The following ADH1C variants were observed in gnomAD, a reference collection of about 807,000 sequenced individuals.
ADH1C encodes alcohol dehydrogenase 1C.
A neutral mutation model predicts 35.0 loss-of-function variants in ADH1C; 26 were observed. That is an observed-to-expected ratio of 0.74 (90% CI 0.54 to 1.03). The LOEUF (loss-of-function observed/expected upper bound fraction) is 1.03. ADH1C is among the 50% of genes least tolerant of loss of function. The pLI is 0.00. For missense variants in ADH1C, 413 were observed against 465.4 expected, an observed-to-expected ratio of 0.89 and a Z score of 1.04; for synonymous variants, 170 against 169.3, an observed-to-expected ratio of 1.00 and a Z score of -0.03.
intron 8 of ADH1C, 25 bp from the exon 9 acceptor site, chr4:99,336,801 G>A: frequency 1.9e-6 from 3 of 1,613,530 alleles, no homozygotes; most frequent in Non-Finnish European, 2.5e-6. Context: ...AAGAGACATT[G>A]TGTTAACATT....
At chr4:99,338,396 TATATATATATATATATATATATATA>T (rs1734329520) in intron 8 of ADH1C, among the ~76,000 whole-genome samples, 2 of 7,424 alleles carry the variant, frequency 2.7e-4, no homozygotes, top group Admixed American at 1.7e-3. Flanking sequence ...TACTGTTTTC[TATATATATATATATATATATATATA>T]TATATATATA....
In ADH1C at chr4:99,343,052, T is replaced by A. The variant is rs200810515; in HGVS notation, c.571A>T (p.Thr191Ser). The A allele has an allele frequency of 7.5e-5, 121 of 1,606,644 alleles. No homozygotes were observed. In the African/African-American group the frequency reaches 1.3e-3, roughly 17 times the overall value. ...AACACAGCACAGGTAGACCCTGGGG[T>A]GACCTATGTTTTCAGAAAATGCAAA... is the stretch of plus-strand genomic sequence containing the variant. ...YGSAVKVAKV[T>S]PGSTCAVFGL... The change falls in exon 6 of 9, where the codon ACC (threonine) becomes TCC (serine). Residue 191 changes from threonine (T) to serine (S), a missense_variant. Coordinates refer to ENST00000515683, the MANE Select transcript of ADH1C (RefSeq NM_000669.5).
Position 99,339,695 on chromosome 4 carries a change from C to A in ADH1C, c.985G>T (p.Val329Phe), listed in dbSNP as rs746619940. ...IFGGFKSKES[V>F]PKLVADFMAK... ...ATAAAGTCAGCCACAAGTTTGGGGACAGATTCTTTACTCTTAAAGCCTGAA... is the reference window on the plus strand; with the variant it reads ...ATAAAGTCAGCCACAAGTTTGGGGAAAGATTCTTTACTCTTAAAGCCTGAA... Residue 329 changes from valine to phenylalanine, a missense_variant, in exon 8 of 9, where the codon GTC (valine) becomes TTC (phenylalanine). Physicochemically the swap from Val to Phe is conservative, Grantham distance 50. Coordinates refer to ENST00000515683, the MANE Select transcript of ADH1C (RefSeq NM_000669.5). 6.2e-7 allele frequency: 1 copy of A among 1,611,598 alleles called. No homozygotes were observed. Among genetic ancestry groups the A allele is most frequent in the South Asian group, 1.1e-5 (1 of 90,450 alleles).
Position 99,340,611 on chromosome 4 carries a change from G to A in ADH1C, c.928C>T (p.Leu310=), listed in dbSNP as rs189474091. The part of the protein sequence containing the change: ...QNLSINPMLL[L]TGRTWKGAIF... ...GCTCCTTTCCACGTGCGTCCAGTCA[G>A]TAGCAGCATAGGGTTTATTGAGAGG... The change falls in exon 7 of 9, where the codon CTG becomes TTG. Residue 310 remains leucine (L), a synonymous_variant. Transcript: ENST00000515683. 3.9e-4 allele frequency: 629 copies of A among 1,614,106 alleles called. 6 individuals carry two copies. In the African/African-American group the frequency reaches 7.5e-3, roughly 19 times the overall value.
chr4:99,343,184 A>T, intron 5 of ADH1C, 129 bp from the exon 6 acceptor site: 1 of 1,363,594 alleles, frequency 7.3e-7, no homozygotes. Context: ...TGTTATCGAA[A>T]CCTGTTTTGG....
Position 99,336,779 on chromosome 4 carries a change from G to T in ADH1C, c.1104-3C>A. ...AAAACGTCAGGACGGTACGGATACT[G>T]CAATAGGAAAGAAGAGACATTGTGT... On this transcript the variant is annotated splice_polypyrimidine_tract_variant and splice_region_variant and intron_variant, in intron 8 of 8. Coordinates refer to ENST00000515683, the MANE Select transcript of ADH1C (RefSeq NM_000669.5). The T allele has an allele frequency of 6.2e-7, 1 of 1,613,666 alleles. No homozygotes were observed. The highest frequency in any genetic ancestry group is 8.5e-7 in the Non-Finnish European group (1 of 1,179,702).
chr4:99,342,815 T>C lies in ADH1C; in HGVS notation c.808A>G (p.Ile270Val). 6.2e-7 allele frequency: 1 copy of C among 1,614,024 alleles called. No homozygotes were observed. Among genetic ancestry groups the C allele is most frequent in the South Asian group, 1.1e-5 (1 of 91,084 alleles). The part of the protein sequence containing the change: ...DGGVDFSFEV[I>V]GRLDTMMASL... ...CATACCATGGTGTCAAGCCGACCGATGACTTCAAACGAAAAATCCACACCT... is the reference window on the plus strand; with the variant it reads ...CATACCATGGTGTCAAGCCGACCGACGACTTCAAACGAAAAATCCACACCT... The change falls in exon 6 of 9, where the codon ATC (isoleucine) becomes GTC (valine). Residue 270 changes from isoleucine to valine, a missense_variant. Transcript: ENST00000515683.
chr4:99,336,519 G>C lies in ADH1C; in HGVS notation c.*233C>G, dbSNP rs1402653610. The C allele has an allele frequency of 1.7e-6, 1 of 581,576 alleles. No homozygotes were observed. The highest frequency in any genetic ancestry group is 3.0e-6 in the Non-Finnish European group (1 of 331,188). 36.0% of individuals were successfully genotyped at this position (581,576 alleles called of 1,614,324 possible). A position where few individuals can be genotyped will look rare whatever the true frequency, so the allele number is the denominator to read the frequency against. On this transcript the variant is annotated 3_prime_UTR_variant, in exon 9 of 9. Transcript: ENST00000515683. Reference sequence around the variant, plus strand: ...GAATGGTTAAGAAGGAAGGTTTATTGGCTTCAATTCCCCAGTTGATGTTCA... The same window carrying C: ...GAATGGTTAAGAAGGAAGGTTTATTCGCTTCAATTCCCCAGTTGATGTTCA...
Position 99,338,395 on chromosome 4 carries a change from C to CTATATATATA in ADH1C, c.1103+1172_1103+1181dup, listed in dbSNP as rs35124782. ...ATTAACCTTTGATGAATACTGTTTT[C>CTATATATATA]TATATATATATATATATATATATAT... On this transcript the variant is annotated intron_variant, in intron 8 of 8. Coordinates refer to ENST00000515683, the MANE Select transcript of ADH1C (RefSeq NM_000669.5). Among the ~76,000 whole-genome samples the CTATATATATA allele has an allele frequency of 2.6e-3, 102 of 38,896 alleles. 4 individuals carry two copies. Among genetic ancestry groups the CTATATATATA allele is most frequent in the Admixed American group, 5.3e-3 (12 of 2,278 alleles). 25.5% of individuals were successfully genotyped at this position (38,896 alleles called of 152,430 possible).
Position 99,342,790 on chromosome 4 carries a change from C to G in ADH1C, c.828+5G>C. 1 of 1,613,998 alleles carries G rather than the reference C, an allele frequency of 6.2e-7. No individual in the cohort carries two copies. The highest frequency in any genetic ancestry group is 8.5e-7 in the Non-Finnish European group (1 of 1,179,860). On this transcript the variant is annotated splice_donor_5th_base_variant and intron_variant, in intron 6 of 8. Coordinates refer to ENST00000515683, the MANE Select transcript of ADH1C (RefSeq NM_000669.5). ...AGAAATTTCAGGGCATGTCACGGAT[C>G]ATACCATGGTGTCAAGCCGACCGAT...
chr4:99,347,703 C>A (rs1303397806), intron 2 of ADH1C, 42 bp downstream of exon 2: 9 of 1,543,356 alleles, frequency 5.8e-6, no homozygotes, highest in African/African-American at 1.4e-5. Context: ...TTTCTGAATT[C>A]TTTAAACTTA....
At chr4:99,344,546 T>C (rs1293567306) in intron 5 of ADH1C, among the ~76,000 whole-genome samples, 1 of 152,194 alleles carries the variant, frequency 6.6e-6, no homozygotes, top group Non-Finnish European at 1.5e-5. Context: ...GAGGTATGTA[T>C]AGGTGCTCTC....
intron 3 of ADH1C, among the ~76,000 whole-genome samples, chr4:99,345,542 G>A (rs1469846066): frequency 6.6e-6 from 1 of 152,220 alleles, no homozygotes; most frequent in Non-Finnish European, 1.5e-5. Flanking sequence ...ATTTTACGCA[G>A]TGCACTAATT....
chr4:99,342,235 A>G (rs1734432857), intron 6 of ADH1C, among the ~76,000 whole-genome samples: 1 of 152,108 alleles, frequency 6.6e-6, no homozygotes, highest in African/African-American at 2.4e-5. Context: ...AATACTGGGT[A>G]CTAGTTTTGT....
At chr4:99,351,562 A>C (rs1157825073) in intron 1 of ADH1C, among the ~76,000 whole-genome samples, 4 of 152,202 alleles carry the variant, frequency 2.6e-5, no homozygotes, top group Non-Finnish European at 2.9e-5. Flanking sequence ...TCTTTTTTCT[A>C]ATTATTTTCT....
intron 8 of ADH1C, among the ~76,000 whole-genome samples, 190 bp from the exon 9 acceptor site, chr4:99,336,966 T>C (rs1316891932): frequency 6.6e-6 from 1 of 152,186 alleles, no homozygotes; most frequent in Non-Finnish European, 1.5e-5. Flanking sequence ...TTCTCTTGTG[T>C]TTTCTTCAAT....
intron 3 of ADH1C, 148 bp downstream of exon 3, chr4:99,346,858 G>A (rs945999506): frequency 2.3e-6 from 3 of 1,326,234 alleles, no homozygotes; most frequent in Middle Eastern, 2.8e-4. Context: ...CAGGCAAGCA[G>A]AGAGGGAAGG....
intron 1 of ADH1C, among the ~76,000 whole-genome samples, chr4:99,350,145 T>C (rs998270928): frequency 6.6e-6 from 1 of 152,210 alleles, no homozygotes; most frequent in Non-Finnish European, 1.5e-5. Context: ...CCAAAATAAA[T>C]ATCAGAATAC....
rs1734452742 is a variant in ADH1C, at chr4:99,343,012, A to C, written c.611T>G (p.Val204Gly). 6.2e-7 allele frequency: 1 copy of C among 1,613,804 alleles called. No homozygotes were observed. The change falls in exon 6 of 9, where the codon GTC becomes GGC. Residue 204 changes from valine to glycine, a missense_variant. Val to Gly is a moderately radical substitution (Grantham distance 109, BLOSUM62 -3). Coordinates refer to ENST00000515683, the MANE Select transcript of ADH1C (RefSeq NM_000669.5). Reference protein sequence around the residue: ...STCAVFGLGGVGLSVVMGCKA... With the variant: ...STCAVFGLGGGGLSVVMGCKA... ...ACAGCCCATAACAACAGATAGGCCG[A>C]CCCCTCCCAGGCCAAACACAGCACA...
Sources: gnomAD v4.1 joint callset for allele counts (sites outside exome capture counted in the v4.1 genomes callset) on GRCh38, gnomAD v4.1.1 for gene constraint, MANE v1.5 for transcripts, NCBI Gene and HGNC (gene_info 2026-07-23, HGNC 2026-07-21) for gene names.